Variants in ATXN7L1 observed in about 807,000 individuals in gnomAD.
ATXN7L1 encodes the protein ataxin 7 like 1, also known as ataxin-7-like protein 1.
A neutral mutation model predicts 70.8 loss-of-function variants in ATXN7L1; 15 were observed. The ratio of observed to expected loss-of-function variants is 0.21; its 90% confidence interval spans 0.14 to 0.33. The LOEUF (loss-of-function observed/expected upper bound fraction) is 0.33. ATXN7L1 is among the 10% of genes least tolerant of loss of function. The probability of loss-of-function intolerance (pLI) is 1.00; values close to 1 mark genes in which losing one functional copy is unlikely to be tolerated. For synonymous variants in ATXN7L1, 440 were observed against 445.1 expected, an observed-to-expected ratio of 0.99 and a Z score of 0.14; for missense variants, 975 against 1,097.1, an observed-to-expected ratio of 0.89 and a Z score of 1.57.
At chr7:105,795,592 C>T (rs1007138203) in intron 2 of ATXN7L1, among the ~76,000 whole-genome samples, 2 of 152,142 alleles carry the variant, frequency 1.3e-5, no homozygotes, top group Non-Finnish European at 2.9e-5. Flanking sequence ...TGATGAAAAC[C>T]TTAAGAGAGA....
At chr7:105,695,898 G>A (rs1791641797) in intron 3 of ATXN7L1, among the ~76,000 whole-genome samples, 1 of 152,180 alleles carries the variant, frequency 6.6e-6, no homozygotes, top group Non-Finnish European at 1.5e-5. Context: ...GGGACAGGGT[G>A]GTGGGTTACT....
At chr7:105,618,375 C>T (rs1226681469) in intron 9 of ATXN7L1, among the ~76,000 whole-genome samples, 1 of 152,160 alleles carries the variant, frequency 6.6e-6, no homozygotes, top group East Asian at 1.9e-4. Flanking sequence ...ACACACTGGG[C>T]AGTCACTTAA....
chr7:105,607,770 TC>T lies in ATXN7L1; in HGVS notation c.*81del, dbSNP rs1792822222. 8.4e-6 allele frequency: 11 copies of T among 1,303,020 alleles called. No individual in the cohort carries two copies. In the Admixed American group the frequency reaches 2.2e-4, roughly 26 times the overall value. The allele number at this position is 1,303,020 out of a possible 1,614,324, so 80.7% of individuals were successfully genotyped here. On this transcript the variant is annotated 3_prime_UTR_variant, in exon 12 of 12. Coordinates refer to ENST00000419735, the MANE Select transcript of ATXN7L1 (RefSeq NM_020725.2). ...AAAACAGACTCTCCCCCCAGCCCAC[TC>T]CCCTCCCTCCTCCTCCCCATGGCCT...
intron 10 of ATXN7L1, among the ~76,000 whole-genome samples, chr7:105,612,973 C>A (rs529329498): frequency 1.3e-5 from 2 of 152,292 alleles, no homozygotes; most frequent in East Asian, 1.9e-4. Context: ...GGCTCCCGGG[C>A]AGGTTGGCCG....
chr7:105,668,856 A>G (rs912084994), intron 3 of ATXN7L1, among the ~76,000 whole-genome samples: 1 of 152,018 alleles, frequency 6.6e-6, no homozygotes, highest in African/African-American at 2.4e-5. Context: ...GCAAGTTGTG[A>G]TTGTACCAGA....
At chr7:105,733,020 T>C (rs1380977437) in intron 3 of ATXN7L1, among the ~76,000 whole-genome samples, 3 of 152,248 alleles carry the variant, frequency 2.0e-5, no homozygotes, top group African/African-American at 7.2e-5. Context: ...CACTCCCTTT[T>C]ACCTCATCAG....
intron 1 of ATXN7L1, 152 bp downstream of exon 1, chr7:105,876,226 T>C: frequency 9.1e-7 from 1 of 1,101,910 alleles, no homozygotes; most frequent in Non-Finnish European, 1.3e-6. Flanking sequence ...TGATGATCTG[T>C]CTCTGTGTGT....
At chr7:105,793,672 T>C (rs537797026) in intron 2 of ATXN7L1, among the ~76,000 whole-genome samples, 7 of 152,168 alleles carry the variant, frequency 4.6e-5, no homozygotes, top group African/African-American at 1.7e-4. Context: ...CCAAACACAA[T>C]GTACAACCAT....
intron 3 of ATXN7L1, among the ~76,000 whole-genome samples, chr7:105,785,341 C>T (rs1804135623): frequency 1.3e-5 from 2 of 152,288 alleles, no homozygotes; most frequent in Non-Finnish European, 2.9e-5. Context: ...TGGCGGGCAC[C>T]TGTAGTTCCA....
At chr7:105,639,620 A>C (rs1483694437) in intron 5 of ATXN7L1, 51 bp from the exon 6 acceptor site, 12 of 1,337,158 alleles carry the variant, frequency 9.0e-6, no homozygotes, top group South Asian at 1.3e-5. Context: ...ACTAAATAGG[A>C]TTTGGCATTA....
intron 4 of ATXN7L1, among the ~76,000 whole-genome samples, chr7:105,646,558 TA>T (rs759422633): frequency 9.2e-5 from 14 of 152,008 alleles, no homozygotes; most frequent in Non-Finnish European, 1.9e-4. Context: ...ACTGGGATTA[TA>T]GGCACCCGCC....
intron 3 of ATXN7L1, among the ~76,000 whole-genome samples, chr7:105,787,376 GC>G (rs1804462637): frequency 6.6e-6 from 1 of 152,118 alleles, no homozygotes; most frequent in South Asian, 2.1e-4. Context: ...GCTTTCTAGG[GC>G]CCTTGCTTTG....
intron 3 of ATXN7L1, among the ~76,000 whole-genome samples, chr7:105,727,721 C>T (rs1434198737): frequency 7.3e-5 from 6 of 82,062 alleles, no homozygotes; most frequent in Non-Finnish European, 1.1e-4. Context: ...GATATTTTTC[C>T]ATAGGGGTGT....
chr7:105,619,498 A>ATC (rs1794498769), intron 9 of ATXN7L1, among the ~76,000 whole-genome samples: 1 of 11,242 alleles, frequency 8.9e-5, no homozygotes, highest in African/African-American at 4.0e-4. Flanking sequence ...ACAGAAGCAT[A>ATC]TATATATATA....
intron 2 of ATXN7L1, among the ~76,000 whole-genome samples, chr7:105,871,995 A>T (rs1032920925): frequency 1.4e-5 from 2 of 143,826 alleles, no homozygotes; most frequent in Admixed American, 1.4e-4. Flanking sequence ...AACCAAAATA[A>T]TTTTTTTTTT....
chr7:105,615,710 C>T (rs903630977), intron 9 of ATXN7L1, among the ~76,000 whole-genome samples: 2 of 152,126 alleles, frequency 1.3e-5, no homozygotes, highest in Non-Finnish European at 2.9e-5. Flanking sequence ...TCAGGGATTT[C>T]TAGTTTGTTC....
chr7:105,764,815 T>C (rs1192108443), intron 3 of ATXN7L1, among the ~76,000 whole-genome samples: 2 of 152,110 alleles, frequency 1.3e-5, no homozygotes, highest in Admixed American at 1.3e-4. Context: ...GGAACGATCA[T>C]ACTCTCAAAA....
At chr7:105,701,228 A>G (rs1792415276) in intron 3 of ATXN7L1, among the ~76,000 whole-genome samples, 1 of 152,222 alleles carries the variant, frequency 6.6e-6, no homozygotes, top group South Asian at 2.1e-4. Flanking sequence ...CATCCATTCA[A>G]TGGAATGCTG....
At position 105,614,775 on chromosome 7, in the gene ATXN7L1, G is replaced by C; in HGVS notation, c.1559C>G (p.Ala520Gly). The C allele has an allele frequency of 6.4e-7, 1 of 1,551,624 alleles. No individual in the cohort carries two copies. ...PAADSPLPSP[A>G]AHITTPVPAS... The stretch of plus-strand genomic sequence containing the variant: ...TGGAACGGGGGTGGTGATGTGGGCT[G>C]CTGGCGAGGGCAGGGGGCTATCTGC... The change falls in exon 10 of 12, where the codon GCA becomes GGA. Residue 520 changes from alanine to glycine, a missense_variant. Ala to Gly is a moderately conservative substitution (Grantham distance 60, BLOSUM62 0). Transcript: ENST00000419735. The surrounding 1 kb of genome is among the most constrained non-coding windows in gnomAD (Gnocchi z 4.3).
Sources: allele counts gnomAD v4.1 joint callset (sites outside exome capture counted in the v4.1 genomes callset), GRCh38; gene constraint gnomAD v4.1.1; non-coding constraint Gnocchi (gnomAD v3.1); transcripts MANE v1.5; gene names NCBI Gene and HGNC (gene_info 2026-07-23, HGNC 2026-07-21).